Variants in PPL observed in about 807,000 individuals in gnomAD.
PPL encodes 190 kDa paraneoplastic pemphigus antigen.
A neutral mutation model predicts 194.4 loss-of-function variants in PPL; 198 were observed. The observed-to-expected ratio is 1.02, with a 90% CI of 0.91 to 1.15. The LOEUF is 1.15. PPL is among the 50% of genes most tolerant of loss of function. The probability of loss-of-function intolerance (pLI) is 0.00; values close to 1 mark genes in which losing one functional copy is unlikely to be tolerated. For synonymous variants in PPL, 1,220 were observed against 972.4 expected, an observed-to-expected ratio of 1.25 and a Z score of -4.74; for missense variants, 2,885 against 2,294.8, an observed-to-expected ratio of 1.26 and a Z score of -5.25.
chr16:4,921,931 C>G (rs1259211198), intron 1 of PPL, among the ~76,000 whole-genome samples: 1 of 151,912 alleles, frequency 6.6e-6, no homozygotes, highest in African/African-American at 2.4e-5. Flanking sequence ...GTGAGAGGAG[C>G]TGGGACAGAG....
At chr16:4,897,907 GT>G in intron 8 of PPL, 137 bp from the exon 9 acceptor site, 1 of 660,364 alleles carries the variant, frequency 1.5e-6, no homozygotes, top group Non-Finnish European at 2.6e-6. Context: ...TACCACAGGG[GT>G]AGCCAGCTTC....
chr16:4,894,633 C>T lies in PPL; in HGVS notation c.1243-15G>A, dbSNP rs1041490512. On this transcript the variant is annotated splice_polypyrimidine_tract_variant and intron_variant, in intron 11 of 21. Transcript: ENST00000345988. ...GAGATCAGGCCCTGGCGGGGGCAGG[C>T]TGGACAGTCAGGATCCCGGCAGGGC... 1 of 1,610,504 alleles carries T rather than the reference C, an allele frequency of 6.2e-7. No individual in the cohort carries two copies.
chr16:4,932,297 T>C (rs182217412), intron 1 of PPL, among the ~76,000 whole-genome samples: 7 of 152,320 alleles, frequency 4.6e-5, no homozygotes, highest in Admixed American at 6.5e-5. Flanking sequence ...GTTACCCACA[T>C]GGGTCCCCTC....
intron 1 of PPL, among the ~76,000 whole-genome samples, chr16:4,912,193 A>G (rs2088832327): frequency 6.6e-6 from 1 of 152,132 alleles, no homozygotes; most frequent in Admixed American, 6.5e-5. Flanking sequence ...CCACACCCAC[A>G]AGCTGTCACT....
chr16:4,897,623 C>T lies in PPL; in HGVS notation c.972+52G>A, dbSNP rs2088457670. Reference sequence around the variant, plus strand: ...ATGAGCCAGGTAGGCACTGAGCGCTCTCAGAGAGTAGCACCCCCGGTGCTG... The same window carrying T: ...ATGAGCCAGGTAGGCACTGAGCGCTTTCAGAGAGTAGCACCCCCGGTGCTG... On this transcript the variant is annotated intron_variant, in intron 9 of 21. Transcript: ENST00000345988. 2.7e-6 allele frequency: 4 copies of T among 1,474,690 alleles called. No individual in the cohort carries two copies. The African/African-American group carries it at 5.6e-5, about 20-fold the overall frequency. 91.4% of individuals were successfully genotyped at this position (1,474,690 alleles called of 1,614,324 possible).
intron 9 of PPL, among the ~76,000 whole-genome samples, chr16:4,896,158 C>A (rs542343213): frequency 2.0e-5 from 3 of 152,212 alleles, no homozygotes; most frequent in African/African-American, 7.2e-5. Context: ...TCAGCTATCC[C>A]CTGGGCTGAG....
chr16:4,932,753 T>A (rs2089240541), intron 1 of PPL, among the ~76,000 whole-genome samples: 1 of 152,026 alleles, frequency 6.6e-6, no homozygotes, highest in South Asian at 2.1e-4. Flanking sequence ...TGCTTCCTAG[T>A]ATTGGCTGCT....
intron 16 of PPL, 89 bp from the exon 17 acceptor site, chr16:4,891,010 CTG>C (rs1596547359): frequency 4.9e-6 from 6 of 1,225,942 alleles, no homozygotes; most frequent in East Asian, 2.7e-5. Flanking sequence ...GGGCCACTGA[CTG>C]TAGGAGGGTG....
At chr16:4,921,054 C>T (rs887704358) in intron 1 of PPL, among the ~76,000 whole-genome samples, 3 of 152,218 alleles carry the variant, frequency 2.0e-5, no homozygotes, top group Non-Finnish European at 2.9e-5. Flanking sequence ...GTTTTGCAAG[C>T]CTCTACGAGT....
chr16:4,896,808 G>C (rs779927103), intron 9 of PPL, among the ~76,000 whole-genome samples: 6 of 151,754 alleles, frequency 4.0e-5, no homozygotes, highest in Non-Finnish European at 8.8e-5. Flanking sequence ...GCTAACTTTT[G>C]TATTTTAGTA....
rs1323162581 is a variant in PPL, at chr16:4,894,463, G to A, written c.1394+4C>T. 6.2e-7 allele frequency: 1 copy of A among 1,613,710 alleles called. No individual in the cohort carries two copies. Among genetic ancestry groups the A allele is most frequent in the Admixed American group, 1.7e-5 (1 of 60,018 alleles). On this transcript the variant is annotated splice_donor_region_variant and intron_variant, in intron 12 of 21. Coordinates refer to ENST00000345988, the MANE Select transcript of PPL (RefSeq NM_002705.5). ...CATGCAGACTCCCGCCTTTGCCCTTGTACCTGTCAGCCAGAGCCAGGGCCT... is the reference window on the plus strand; with the variant it reads ...CATGCAGACTCCCGCCTTTGCCCTTATACCTGTCAGCCAGAGCCAGGGCCT...
In PPL at chr16:4,902,925, G is replaced by C. The variant is rs952686149; in HGVS notation, c.318-399C>G. ...GCTGGTCTCGAACTCCTGACCTCAG[G>C]TGATCCGTCCGCTTCGGCCTCCCGA... On this transcript the variant is annotated intron_variant, in intron 3 of 21. Transcript: ENST00000345988. This position sits in a 1 kb window ranked among gnomAD's most constrained non-coding sequence, Gnocchi z 4.0. 1.3e-5 allele frequency among the ~76,000 whole-genome samples: 2 copies of C among 152,156 alleles called. No homozygotes were observed. The highest frequency in any genetic ancestry group is 4.8e-5 in the African/African-American group (2 of 41,434).
chr16:4,891,047 C>A, intron 16 of PPL, 126 bp from the exon 17 acceptor site: 1 of 760,114 alleles, frequency 1.3e-6, no homozygotes, highest in South Asian at 2.1e-5. Context: ...TAGGAAGGAC[C>A]GGAGCCTTGC....
chr16:4,900,030 A>T (rs528293242), intron 6 of PPL, among the ~76,000 whole-genome samples: 1 of 152,292 alleles, frequency 6.6e-6, no homozygotes, highest in Non-Finnish European at 1.5e-5. Flanking sequence ...TCAGATGAGG[A>T]AACTGAGGCT....
chr16:4,917,665 C>A (rs2088952524), intron 1 of PPL, among the ~76,000 whole-genome samples: 1 of 152,048 alleles, frequency 6.6e-6, no homozygotes, highest in African/African-American at 2.4e-5. Flanking sequence ...CTTTGGGAGG[C>A]CGAGGTGGGC....
At chr16:4,903,695 G>A (rs1306310282) in intron 3 of PPL, among the ~76,000 whole-genome samples, 191 bp downstream of exon 3, 6 of 151,772 alleles carry the variant, frequency 4.0e-5, no homozygotes, top group Admixed American at 2.6e-4. Flanking sequence ...ACTCCAGCCT[G>A]GGCAACAAGA....
chr16:4,884,935 A>G lies in PPL; in HGVS notation c.3720T>C (p.Thr1240=). ...GAAGCTCCTTCTCCATCTCAGGGTC[A>G]GTCTTGTACTTAATGACTTCCTTAG... is the stretch of plus-strand genomic sequence containing the variant. ...EVTKEVIKYK[T]DPEMEKELQR... is the part of the protein sequence containing the mutation. Residue 1240 remains threonine, a synonymous_variant, in exon 22 of 22, where the codon ACT becomes ACC. Coordinates refer to ENST00000345988, the MANE Select transcript of PPL (RefSeq NM_002705.5). This position sits in a 1 kb window ranked among gnomAD's most constrained non-coding sequence, Gnocchi z 5.7. 6.2e-7 allele frequency: 1 copy of G among 1,613,996 alleles called. No homozygotes were observed.
intron 1 of PPL, among the ~76,000 whole-genome samples, chr16:4,932,433 G>C (rs1168050476): frequency 6.7e-6 from 1 of 149,508 alleles, no homozygotes; most frequent in South Asian, 2.1e-4. Context: ...TTTTTGAGAC[G>C]GAGTCTCGCT....
rs749123606 is a variant in PPL, at chr16:4,892,089, T to G, written c.1775A>C (p.Asp592Ala). ...TTPLLRTRVE[D>A]TNRKYEHLLQ... is the part of the protein sequence containing the mutation. ...GAGGTGCTCGTATTTCCGGTTGGTG[T>G]CCTCCACCCGGGTCCTCAGCAGGGG... is the stretch of plus-strand genomic sequence containing the variant. The change falls in exon 15 of 22, where the codon GAC (aspartate) becomes GCC (alanine). Residue 592 changes from aspartate (D) to alanine (A), a missense_variant. Physicochemically the swap from Asp to Ala is moderately radical, Grantham distance 126. Coordinates refer to ENST00000345988, the MANE Select transcript of PPL (RefSeq NM_002705.5). 17 of 1,613,668 alleles carry G rather than the reference T, an allele frequency of 1.1e-5. No homozygotes were observed. The highest frequency in any genetic ancestry group is 1.4e-5 in the Non-Finnish European group (17 of 1,180,010).
Sources: allele counts gnomAD v4.1 joint callset (sites outside exome capture counted in the v4.1 genomes callset), GRCh38; gene constraint gnomAD v4.1.1; non-coding constraint Gnocchi (gnomAD v3.1); transcripts MANE v1.5; gene names NCBI Gene and HGNC (gene_info 2026-07-23, HGNC 2026-07-21).